Variants in PCP4 observed in about 807,000 individuals in gnomAD.
PCP4 encodes Purkinje cell protein 4.
PCP4 carries 8 observed loss-of-function variants against 10.0 expected under a neutral mutation model. The observed-to-expected ratio is 0.80, with a 90% CI of 0.47 to 1.45. PCP4 has a LOEUF of 1.45. PCP4 is among the 40% of genes most tolerant of loss of function. PCP4 has a pLI of 0.00. For synonymous variants in PCP4, 21 were observed against 23.0 expected, an observed-to-expected ratio of 0.91 and a Z score of 0.24; for missense variants, 54 against 74.4, an observed-to-expected ratio of 0.73 and a Z score of 1.01.
chr21:39,921,645 T>TAAA (rs2087597095), intron 2 of PCP4, among the ~76,000 whole-genome samples: 1 of 152,180 alleles, frequency 6.6e-6, no homozygotes, highest in Non-Finnish European at 1.5e-5. Flanking sequence ...GTAACTACAT[T>TAAA]TGGAGATGGT....
intron 1 of PCP4, among the ~76,000 whole-genome samples, chr21:39,887,259 TGAGAATGAAA>T (rs1182699118): frequency 2.0e-5 from 3 of 151,808 alleles, no homozygotes; most frequent in Admixed American, 2.0e-4. Flanking sequence ...CTTCCAGAGG[TGAGAATGAAA>T]GAAGAGAGGA....
chr21:39,869,042 C>G (rs2087307272), intron 1 of PCP4, among the ~76,000 whole-genome samples: 1 of 152,186 alleles, frequency 6.6e-6, no homozygotes, highest in African/African-American at 2.4e-5. Flanking sequence ...GTGTCCACAT[C>G]AGCTCACCTT....
At chr21:39,908,991 A>G (rs2087526713) in intron 2 of PCP4, among the ~76,000 whole-genome samples, 1 of 152,146 alleles carries the variant, frequency 6.6e-6, no homozygotes, top group Non-Finnish European at 1.5e-5. Flanking sequence ...ATTTCCTTTT[A>G]AGTTCTTCTC....
In PCP4 at chr21:39,906,620, AC is replaced by A. The variant is rs2087511895; in HGVS notation, c.61+8095del. ...TTCCCTCCCTCCGTCTTTTCTTCCTACCTTTCATCCTTTTCTTCCTTCTTTC... is the reference window on the plus strand; with the variant it reads ...TTCCCTCCCTCCGTCTTTTCTTCCTACTTTCATCCTTTTCTTCCTTCTTTC... On this transcript the variant is annotated intron_variant, in intron 2 of 2. Transcript: ENST00000328619. The surrounding 1 kb of genome is among the most constrained non-coding windows in gnomAD (Gnocchi z 6.3). Among the ~76,000 whole-genome samples the A allele has an allele frequency of 7.3e-6, 1 of 137,824 alleles. No individual in the cohort carries two copies. The highest frequency in any genetic ancestry group is 2.7e-5 in the African/African-American group (1 of 36,422). The allele number at this position is 137,824 out of a possible 152,430, so 90.4% of individuals were successfully genotyped here.
chr21:39,925,881 G>A lies in PCP4; in HGVS notation c.62-3103G>A, dbSNP rs142579834. On this transcript the variant is annotated intron_variant, in intron 2 of 2. Coordinates refer to ENST00000328619, the MANE Select transcript of PCP4 (RefSeq NM_006198.3). ...CCAAGGCCCTGAAGAGTGGTTCTGG[G>A]AGTGGGTGCCTGGCTGTGGTCCCTT... Among the ~76,000 whole-genome samples, 505 of 152,284 alleles carry A rather than the reference G, an allele frequency of 3.3e-3. 2 individuals are homozygous for A. Among genetic ancestry groups the A allele is most frequent in the Middle Eastern group, 0.01 (3 of 294 alleles).
intron 1 of PCP4, among the ~76,000 whole-genome samples, chr21:39,890,032 G>T (rs1478069142): frequency 6.6e-6 from 1 of 152,146 alleles, no homozygotes; most frequent in Non-Finnish European, 1.5e-5. Context: ...TGTATGAATA[G>T]CACACTGATT....
chr21:39,917,539 C>A (rs1304208467), intron 2 of PCP4, among the ~76,000 whole-genome samples: 1 of 152,142 alleles, frequency 6.6e-6, no homozygotes, highest in Non-Finnish European at 1.5e-5. Flanking sequence ...GGGCAATGCA[C>A]CTCTGCATTG....
chr21:39,890,658 C>G (rs368839988), intron 1 of PCP4, among the ~76,000 whole-genome samples: 1 of 152,084 alleles, frequency 6.6e-6, no homozygotes, highest in African/African-American at 2.4e-5. Flanking sequence ...CATGAGCCAC[C>G]GTGCCTGGAC....
chr21:39,927,280 A>G (rs1450186884), intron 2 of PCP4, among the ~76,000 whole-genome samples: 11 of 26,022 alleles, frequency 4.2e-4, no homozygotes, highest in Non-Finnish European at 7.8e-4. Flanking sequence ...TGTCTCTCTG[A>G]TCTATCTATC....
chr21:39,875,256 TCA>T (rs905098144), intron 1 of PCP4, among the ~76,000 whole-genome samples: 11 of 107,160 alleles, frequency 1.0e-4, no homozygotes, highest in African/African-American at 5.6e-4. Flanking sequence ...GTAAATTTTC[TCA>T]CAGTTTTTTT....
chr21:39,911,568 T>C (rs1417819130), intron 2 of PCP4, among the ~76,000 whole-genome samples: 3 of 152,216 alleles, frequency 2.0e-5, no homozygotes, highest in African/African-American at 7.2e-5. Context: ...CTTTAGAAAC[T>C]TTATAACCTT....
chr21:39,912,849 A>G (rs1450800275), intron 2 of PCP4, among the ~76,000 whole-genome samples: 1 of 152,148 alleles, frequency 6.6e-6, no homozygotes, highest in East Asian at 1.9e-4. Flanking sequence ...AGCTGGGACT[A>G]CAGGTGCGGG....
intron 1 of PCP4, 140 bp downstream of exon 1, chr21:39,867,650 C>A: frequency 1.1e-6 from 1 of 871,428 alleles, no homozygotes. Context: ...GGAGAACTGA[C>A]AGGATTAATC....
chr21:39,923,053 G>A (rs1170657444), intron 2 of PCP4, among the ~76,000 whole-genome samples: 2 of 152,210 alleles, frequency 1.3e-5, no homozygotes, highest in African/African-American at 4.8e-5. Context: ...TGGTCAGCTT[G>A]AAAATTTCAG....
chr21:39,928,069 G>T (rs898992724), intron 2 of PCP4, among the ~76,000 whole-genome samples: 1 of 152,060 alleles, frequency 6.6e-6, no homozygotes, highest in African/African-American at 2.4e-5. Flanking sequence ...TAGGTTTTTG[G>T]GGAACAGGTG....
Position 39,890,195 on chromosome 21 carries a change from A to T in PCP4, c.10-8281A>T, listed in dbSNP as rs189431328. Among the ~76,000 whole-genome samples the T allele has an allele frequency of 7.2e-5, 11 of 152,338 alleles. No homozygotes were observed. In the East Asian group the frequency reaches 1.7e-3, roughly 24 times the overall value. On this transcript the variant is annotated intron_variant, in intron 1 of 2. Transcript: ENST00000328619. Reference sequence around the variant, plus strand: ...AAAAGGTTTCAATGACTGTATTAGAATAATTTTCTGAAAGCTTGGAATTAC... The same window carrying T: ...AAAAGGTTTCAATGACTGTATTAGATTAATTTTCTGAAAGCTTGGAATTAC...
chr21:39,920,050 G>A (rs934231376), intron 2 of PCP4, among the ~76,000 whole-genome samples: 17 of 141,294 alleles, frequency 1.2e-4, no homozygotes, highest in African/African-American at 4.5e-4. Context: ...TGTGTGGTGT[G>A]TGTGTGTAGG....
intron 2 of PCP4, among the ~76,000 whole-genome samples, chr21:39,900,191 C>G (rs113413775): frequency 6.6e-6 from 1 of 151,992 alleles, no homozygotes; most frequent in Non-Finnish European, 1.5e-5. Context: ...CCCACCACCA[C>G]GCCTGGCTAA....
chr21:39,917,365 C>T (rs1352258330), intron 2 of PCP4, among the ~76,000 whole-genome samples: 1 of 152,142 alleles, frequency 6.6e-6, no homozygotes, highest in Non-Finnish European at 1.5e-5. Context: ...ACTTCTGCCT[C>T]TCCTATCCTT....
Sources: allele counts gnomAD v4.1 joint callset (sites outside exome capture counted in the v4.1 genomes callset), GRCh38; gene constraint gnomAD v4.1.1; non-coding constraint Gnocchi (gnomAD v3.1); transcripts MANE v1.5; gene names NCBI Gene and HGNC (gene_info 2026-07-23, HGNC 2026-07-21).